Variants in SEMA3A observed in about 807,000 individuals in gnomAD.
The protein encoded by SEMA3A is semaphorin-3A.
A neutral mutation model predicts 97.9 loss-of-function variants in SEMA3A; 29 were observed. The observed-to-expected ratio is 0.30, with a 90% CI of 0.22 to 0.40. SEMA3A has a LOEUF of 0.40. SEMA3A is among the 10% of genes least tolerant of loss of function. The pLI is 1.00. For missense variants in SEMA3A, 763 were observed against 951.3 expected (o/e 0.80, Z 2.60); for synonymous variants, 321 against 323.7 (o/e 0.99, Z 0.09).
At chr7:84,176,880 T>C (rs1797584123) in intron 1 of SEMA3A, among the ~76,000 whole-genome samples, 1 of 152,118 alleles carries the variant, frequency 6.6e-6, no homozygotes, top group South Asian at 2.1e-4. Flanking sequence ...TAACTGACTA[T>C]GGAAACTGGA....
intron 1 of SEMA3A, among the ~76,000 whole-genome samples, chr7:84,451,089 T>C (rs1168687354): frequency 6.6e-6 from 1 of 152,208 alleles, no homozygotes; most frequent in African/African-American, 2.4e-5. Context: ...CCCATACCCA[T>C]GTCATAAAAC....
At chr7:84,347,146 A>C (rs1802318252) in intron 2 of SEMA3A, among the ~76,000 whole-genome samples, 1 of 152,210 alleles carries the variant, frequency 6.6e-6, no homozygotes, top group African/African-American at 2.4e-5. Flanking sequence ...CATAAAAGTA[A>C]ACACAGATTG....
At chr7:84,462,671 A>C (rs370711970) in intron 1 of SEMA3A, among the ~76,000 whole-genome samples, 2 of 152,200 alleles carry the variant, frequency 1.3e-5, no homozygotes, top group East Asian at 3.9e-4. Flanking sequence ...AGAAGAAAGT[A>C]GGCATCATGT....
chr7:84,340,299 A>C (rs926458912), intron 2 of SEMA3A, among the ~76,000 whole-genome samples: 1 of 152,122 alleles, frequency 6.6e-6, no homozygotes, highest in Non-Finnish European at 1.5e-5. Flanking sequence ...TTCTTGATTG[A>C]TTATAGCATG....
chr7:84,270,867 C>G (rs1414870065), intron 3 of SEMA3A, among the ~76,000 whole-genome samples: 1 of 151,616 alleles, frequency 6.6e-6, no homozygotes, highest in Admixed American at 6.6e-5. Context: ...TTCTCAAGTT[C>G]TAACAGTAGG....
At chr7:84,135,079 C>A in intron 1 of SEMA3A, 128 bp from the exon 2 acceptor site, 3 of 580,944 alleles carry the variant, frequency 5.2e-6, no homozygotes, top group Admixed American at 3.5e-5. Context: ...CTTCAGGGTA[C>A]TAAGAAATAT....
intron 2 of SEMA3A, among the ~76,000 whole-genome samples, chr7:84,319,918 G>A (rs889843582): frequency 6.6e-5 from 10 of 151,796 alleles, no homozygotes; most frequent in African/African-American, 1.5e-4. Flanking sequence ...TTTATATTAC[G>A]CATTTAAAAA....
chr7:84,374,238 ACAATTC>A, intron 1 of SEMA3A, among the ~76,000 whole-genome samples: 1 of 152,366 alleles, frequency 6.6e-6, no homozygotes, highest in Non-Finnish European at 1.5e-5. Context: ...CCTTTACCCA[ACAATTC>A]CATTCAAAGA....
At chr7:84,129,914 G>C (rs3801657) in intron 2 of SEMA3A, among the ~76,000 whole-genome samples, 4 of 151,924 alleles carry the variant, frequency 2.6e-5, no homozygotes, top group African/African-American at 9.6e-5. Flanking sequence ...CTTCCAAAAC[G>C]TCCCATATTG....
intron 3 of SEMA3A, among the ~76,000 whole-genome samples, chr7:84,290,720 CT>C (rs1202189132): frequency 1.3e-5 from 2 of 152,078 alleles, no homozygotes; most frequent in East Asian, 3.9e-4. Context: ...TCTATTGCTA[CT>C]GTTGTTTCAT....
At chr7:84,300,534 C>T (rs1272288594) in intron 3 of SEMA3A, among the ~76,000 whole-genome samples, 1 of 151,992 alleles carries the variant, frequency 6.6e-6, no homozygotes. Flanking sequence ...CAGTACTACA[C>T]ATATGGCTTA....
At chr7:84,261,445 T>G (rs1799853686) in intron 3 of SEMA3A, among the ~76,000 whole-genome samples, 1 of 152,186 alleles carries the variant, frequency 6.6e-6, no homozygotes, top group African/African-American at 2.4e-5. Flanking sequence ...AGGATCCAGA[T>G]CTAGGGGCTC....
At chr7:84,468,251 C>T (rs967414412) in intron 1 of SEMA3A, among the ~76,000 whole-genome samples, 3 of 152,160 alleles carry the variant, frequency 2.0e-5, no homozygotes, top group African/African-American at 7.2e-5. Context: ...TTTCATTGTG[C>T]AAAATCATGT....
At chr7:84,406,741 T>C (rs1804101474) in intron 1 of SEMA3A, among the ~76,000 whole-genome samples, 1 of 152,126 alleles carries the variant, frequency 6.6e-6, no homozygotes, top group Admixed American at 6.5e-5. Flanking sequence ...GCAAGGCTGG[T>C]TCAACATATG....
At chr7:84,289,306 C>T (rs1800679657) in intron 3 of SEMA3A, among the ~76,000 whole-genome samples, 1 of 151,960 alleles carries the variant, frequency 6.6e-6, no homozygotes, top group African/African-American at 2.4e-5. Flanking sequence ...TATAGCACAG[C>T]ACGGTGACCA....
intron 3 of SEMA3A, among the ~76,000 whole-genome samples, chr7:84,259,450 A>G (rs1799793797): frequency 6.6e-6 from 1 of 152,128 alleles, no homozygotes; most frequent in South Asian, 2.1e-4. Flanking sequence ...AAGTTATGTA[A>G]GATACATATA....
At chr7:84,075,920 A>G (rs1178565411) in intron 4 of SEMA3A, among the ~76,000 whole-genome samples, 1 of 152,186 alleles carries the variant, frequency 6.6e-6, no homozygotes, top group Non-Finnish European at 1.5e-5. Flanking sequence ...TGGTTTATCA[A>G]TTATGAAATC....
chr7:84,025,574 C>T (rs771220803), intron 6 of SEMA3A, among the ~76,000 whole-genome samples: 2 of 152,042 alleles, frequency 1.3e-5, no homozygotes, highest in Admixed American at 6.6e-5. Context: ...TGCCAAGGAA[C>T]GGGCCTGGAA....
rs1792346043 is a variant in SEMA3A at position 84,046,304 on chromosome 7, T to G, written c.667+20A>C. 1.2e-6 allele frequency: 2 copies of G among 1,612,044 alleles called. No individual in the cohort carries two copies. The highest frequency in any genetic ancestry group is 1.7e-6 in the Non-Finnish European group (2 of 1,178,874). On this transcript the variant is annotated intron_variant, in intron 6 of 16. Transcript: ENST00000265362. Reference sequence around the variant, plus strand: ...CAGTTACACATGTTACATGTCTATGTTCTTTCATAAACCACCTACCATTGA... The same window carrying G: ...CAGTTACACATGTTACATGTCTATGGTCTTTCATAAACCACCTACCATTGA...
Sources: gnomAD v4.1 joint callset for allele counts (sites outside exome capture counted in the v4.1 genomes callset) on GRCh38, gnomAD v4.1.1 for gene constraint, MANE v1.5 for transcripts, NCBI Gene and HGNC (gene_info 2026-07-23, HGNC 2026-07-21) for gene names.